Variants in PSEN1 observed in about 807,000 individuals in gnomAD.
PSEN1 encodes presenilin 1, also known as presenilin-1.
In PSEN1, 15 loss-of-function variants were observed where a neutral mutation model predicts 53.5. The observed-to-expected ratio is 0.28, with a 90% CI of 0.19 to 0.43. PSEN1 has a LOEUF of 0.43. Ranked by LOEUF, PSEN1 falls within the 20% of genes least tolerant of loss-of-function variation. PSEN1 has a pLI of 1.00. For synonymous variants in PSEN1, 208 were observed against 209.8 expected (o/e 0.99, Z 0.08); for missense variants, 387 against 571.2 (o/e 0.68, Z 3.29).
At chr14:73,171,838 A>G (rs1191486738) in intron 4 of PSEN1, among the ~76,000 whole-genome samples, 1 of 152,258 alleles carries the variant, frequency 6.6e-6, no homozygotes, top group Non-Finnish European at 1.5e-5. Context: ...TTTGAAATTT[A>G]GAACTCACAT....
chr14:73,210,781 G>A (rs1899644821), intron 9 of PSEN1, among the ~76,000 whole-genome samples: 1 of 152,140 alleles, frequency 6.6e-6, no homozygotes, highest in African/African-American at 2.4e-5. Context: ...AAGCTTACAA[G>A]CTTTACTTAT....
At chr14:73,184,371 G>C (rs1898375202) in intron 5 of PSEN1, among the ~76,000 whole-genome samples, 2 of 131,676 alleles carry the variant, frequency 1.5e-5, no homozygotes, top group Admixed American at 7.5e-5. Context: ...CCCGGACGGG[G>C]CGGCTGGCCG....
intron 5 of PSEN1, among the ~76,000 whole-genome samples, chr14:73,179,650 T>C (rs1898148341): frequency 6.6e-6 from 1 of 152,160 alleles, no homozygotes; most frequent in African/African-American, 2.4e-5. Flanking sequence ...ATTTTTACAC[T>C]GTCTGGGTGT....
intron 5 of PSEN1, among the ~76,000 whole-genome samples, chr14:73,181,369 G>A (rs945343796): frequency 6.6e-6 from 1 of 152,184 alleles, no homozygotes; most frequent in African/African-American, 2.4e-5. Flanking sequence ...TTGAATCTGG[G>A]GAGTGGAGGT....
chr14:73,186,337 C>T (rs1898510113), intron 5 of PSEN1, among the ~76,000 whole-genome samples: 1 of 152,048 alleles, frequency 6.6e-6, no homozygotes, highest in Non-Finnish European at 1.5e-5. Flanking sequence ...CGAGATTGCG[C>T]CATTGCACTC....
chr14:73,137,777 G>A (rs1281173744), intron 1 of PSEN1, among the ~76,000 whole-genome samples: 1 of 152,246 alleles, frequency 6.6e-6, no homozygotes, highest in East Asian at 1.9e-4. Context: ...TTAGAGCAGC[G>A]CTAGCCAATA....
chr14:73,195,699 C>T (rs985464935), intron 7 of PSEN1, among the ~76,000 whole-genome samples: 1 of 152,122 alleles, frequency 6.6e-6, no homozygotes, highest in Non-Finnish European at 1.5e-5. Context: ...TCAAGCAGTC[C>T]TCCTGTCTCA....
chr14:73,180,922 G>A (rs1179342914), intron 5 of PSEN1, among the ~76,000 whole-genome samples: 4 of 152,164 alleles, frequency 2.6e-5, no homozygotes, highest in Non-Finnish European at 1.5e-5. Context: ...AATTAAATCA[G>A]TAATTAGAAA....
chr14:73,179,469 T>C (rs568432296), intron 5 of PSEN1, among the ~76,000 whole-genome samples: 1 of 152,138 alleles, frequency 6.6e-6, no homozygotes, highest in South Asian at 2.1e-4. Context: ...TACAAAAAAT[T>C]AGCCAGGCAT....
intron 3 of PSEN1, among the ~76,000 whole-genome samples, chr14:73,152,809 A>C (rs1259606422): frequency 6.6e-6 from 1 of 152,078 alleles, no homozygotes; most frequent in African/African-American, 2.4e-5. Flanking sequence ...TTGGGAGGCC[A>C]AGGTGGGTGG....
At chr14:73,169,664 A>ATT (rs777972716) in intron 3 of PSEN1, among the ~76,000 whole-genome samples, 4 of 142,102 alleles carry the variant, frequency 2.8e-5, no homozygotes, top group South Asian at 2.2e-4. Flanking sequence ...AACCTTACCA[A>ATT]TTTTTTTTTT....
chr14:73,172,447 C>T (rs535079355), intron 4 of PSEN1, among the ~76,000 whole-genome samples: 23 of 152,348 alleles, frequency 1.5e-4, no homozygotes, highest in African/African-American at 5.5e-4. Flanking sequence ...ATAGAACAAA[C>T]ATTGGCAAGC....
chr14:73,218,883 A>G (rs1900035841), intron 11 of PSEN1, among the ~76,000 whole-genome samples: 1 of 152,222 alleles, frequency 6.6e-6, no homozygotes, highest in Admixed American at 6.5e-5. Flanking sequence ...ACTTATTTTC[A>G]GATTCTATTT....
At position 73,173,672 on chromosome 14, in the gene PSEN1, C is replaced by T. The variant is rs1388079504; in HGVS notation, c.445C>T (p.Leu149Phe). The T allele has an allele frequency of 2.5e-6, 4 of 1,614,030 alleles. No homozygotes were observed. Among genetic ancestry groups the T allele is most frequent in the African/African-American group, 2.7e-5 (2 of 75,038 alleles). ...MISVIVVMTI[L>F]LVVLYKYRCY... ...CAGTGTCATTGTTGTCATGACTATCCTCCTGGTGGTTCTGTATAAATACAG... is the reference window on the plus strand; with the variant it reads ...CAGTGTCATTGTTGTCATGACTATCTTCCTGGTGGTTCTGTATAAATACAG... Residue 149 changes from leucine to phenylalanine, a missense_variant, in exon 5 of 12, where the codon CTC becomes TTC. Coordinates refer to ENST00000324501, the MANE Select transcript of PSEN1 (RefSeq NM_000021.4).
In PSEN1 at chr14:73,207,812, C is replaced by T. The variant is rs144980869; in HGVS notation, c.955+1340C>T. Reference sequence around the variant, plus strand: ...CAAAGGCAAGCCAGGCATGGAGCAGCGAGGAGTGCATGAGCAAGTGAGTGC... The same window carrying T: ...CAAAGGCAAGCCAGGCATGGAGCAGTGAGGAGTGCATGAGCAAGTGAGTGC... On this transcript the variant is annotated intron_variant, in intron 9 of 11. Transcript: ENST00000324501. Among the ~76,000 whole-genome samples the T allele has an allele frequency of 2.4e-4, 37 of 152,314 alleles. No individual in the cohort carries two copies. In the East Asian group the frequency reaches 3.3e-3, roughly 14 times the overall value.
chr14:73,137,324 A>G (rs1016841330), intron 1 of PSEN1: 5 of 152,346 alleles, frequency 3.3e-5, no homozygotes, highest in African/African-American at 9.7e-5. Context: ...TAAAGTGTGA[A>G]GTTGACTAGG....
chr14:73,216,163 CATTAT>C (rs1183320621), intron 10 of PSEN1, among the ~76,000 whole-genome samples: 1 of 152,122 alleles, frequency 6.6e-6, no homozygotes, highest in African/African-American at 2.4e-5. Context: ...ACCTCAAAAA[CATTAT>C]ATTAAGTAAA....
intron 8 of PSEN1, among the ~76,000 whole-genome samples, chr14:73,203,565 C>T (rs1007597732): frequency 5.9e-5 from 9 of 152,140 alleles, no homozygotes; most frequent in Non-Finnish European, 1.3e-4. Context: ...CTCTAAAAAT[C>T]AATAAATAAT....
chr14:73,209,182 G>A (rs1422894267), intron 9 of PSEN1, among the ~76,000 whole-genome samples: 1 of 152,144 alleles, frequency 6.6e-6, no homozygotes, highest in Non-Finnish European at 1.5e-5. Context: ...TGGGAGTGCG[G>A]GACTTCTGCC....
Sources: gnomAD v4.1 joint callset for allele counts (sites outside exome capture counted in the v4.1 genomes callset) on GRCh38, gnomAD v4.1.1 for gene constraint, MANE v1.5 for transcripts, NCBI Gene and HGNC (gene_info 2026-07-23, HGNC 2026-07-21) for gene names.